PAAF1: variants seen among roughly 807,000 people sequenced by gnomAD.
The protein encoded by PAAF1 is proteasomal ATPase associated factor 1.
Under a neutral mutation model 52.8 loss-of-function variants are expected in PAAF1, and 46 were observed. That is an observed-to-expected ratio of 0.87 (90% CI 0.69 to 1.11). The LOEUF (loss-of-function observed/expected upper bound fraction) is 1.11. PAAF1 is among the 50% of genes most tolerant of loss of function. The pLI is 0.00. For missense variants in PAAF1, 424 were observed against 477.4 expected (o/e 0.89, Z 1.04); for synonymous variants, 178 against 172.8 (o/e 1.03, Z -0.24).
At chr11:73,921,611 A>G (rs1950221664) in intron 10 of PAAF1, 1 of 659,116 alleles carries the variant, frequency 1.5e-6, no homozygotes, top group Non-Finnish European at 2.9e-6. Flanking sequence ...TCTTGCTGGA[A>G]AATGCTGCCC....
intron 2 of PAAF1, among the ~76,000 whole-genome samples, chr11:73,882,721 GC>G (rs1948951539): frequency 6.6e-6 from 1 of 152,144 alleles, no homozygotes; most frequent in African/African-American, 2.4e-5. Context: ...TTCTGCCTCA[GC>G]CTCCGAAGTA....
At chr11:73,896,767 C>T (rs1476630989) in intron 4 of PAAF1, among the ~76,000 whole-genome samples, 5 of 152,220 alleles carry the variant, frequency 3.3e-5, no homozygotes, top group Admixed American at 6.5e-5. Flanking sequence ...TTCTATTCTA[C>T]AAAACCGCCA....
intron 10 of PAAF1, among the ~76,000 whole-genome samples, chr11:73,924,310 G>A (rs1287671800): frequency 6.6e-6 from 1 of 152,148 alleles, no homozygotes; most frequent in East Asian, 1.9e-4. Context: ...GCCAGGCGTG[G>A]TGGTGGGCAC....
chr11:73,925,156 CAAAAAA>C (rs34408861), intron 11 of PAAF1, among the ~76,000 whole-genome samples: 1 of 61,758 alleles, frequency 1.6e-5, no homozygotes. Context: ...GACTCCATCT[CAAAAAA>C]AAAAAAAAAA....
At position 73,898,968 on chromosome 11, in the gene PAAF1, C is replaced by A. The variant is rs570816978; in HGVS notation, c.283-178C>A. ...AGAAGTAAAAGGTGTTTACTTCAGC[C>A]TTGTTGGGAGGTTGGTGATGATAAC... On this transcript the variant is annotated intron_variant, in intron 4 of 11. Coordinates refer to ENST00000310571, the MANE Select transcript of PAAF1 (RefSeq NM_025155.3). Among the ~76,000 whole-genome samples the A allele has an allele frequency of 2.0e-5, 3 of 152,310 alleles. No homozygotes were observed. The East Asian group carries it at 5.8e-4, about 29-fold the overall frequency.
intron 4 of PAAF1, among the ~76,000 whole-genome samples, chr11:73,896,317 T>TA (rs1360570911): frequency 1.5e-5 from 2 of 131,932 alleles, no homozygotes; most frequent in Non-Finnish European, 3.2e-5. Flanking sequence ...TTTTTTTTTT[T>TA]ATTGATCATT....
At chr11:73,927,222 C>A in intron 11 of PAAF1, 63 bp from the exon 12 acceptor site, 2 of 1,249,958 alleles carry the variant, frequency 1.6e-6, no homozygotes, top group Non-Finnish European at 2.4e-6. Flanking sequence ...AATCATAAGC[C>A]TCCATCTTTT....
In PAAF1 at chr11:73,899,213, A is replaced by G. The variant is rs1949523582; in HGVS notation, c.350A>G (p.Lys117Arg). The G allele has an allele frequency of 3.1e-6, 5 of 1,614,044 alleles. No individual in the cohort carries two copies. The highest frequency in any genetic ancestry group is 4.2e-6 in the Non-Finnish European group (5 of 1,179,978). The change falls in exon 5 of 12, where the codon AAA becomes AGA. Residue 117 changes from lysine to arginine, a missense_variant. By Grantham distance (26) the Lys-to-Arg change is conservative (BLOSUM62 2). Coordinates refer to ENST00000310571, the MANE Select transcript of PAAF1 (RefSeq NM_025155.3). ...TCTTCTAGTACTGACGGGACCATGA[A>G]AATCTGGCAGGCTTCCAATGGAGAA... is the stretch of plus-strand genomic sequence containing the variant. ...GVSSSTDGTMKIWQASNGELR... is the reference protein window; with the variant it reads ...GVSSSTDGTMRIWQASNGELR...
At chr11:73,913,641 T>C (rs1160845629) in intron 7 of PAAF1, among the ~76,000 whole-genome samples, 1 of 151,894 alleles carries the variant, frequency 6.6e-6, no homozygotes, top group Non-Finnish European at 1.5e-5. Context: ...TTCATCACTA[T>C]TTCCTTAGCA....
chr11:73,924,607 C>T lies in PAAF1; in HGVS notation c.1019-8C>T. 1 of 1,611,788 alleles carries T rather than the reference C, an allele frequency of 6.2e-7. No homozygotes were observed. ...CTTAGTTATATGAATTTTCTTTCTG[C>T]CTTTCAGGTGATGGAAGCTGTTTTA... On this transcript the variant is annotated splice_region_variant and splice_polypyrimidine_tract_variant and intron_variant, in intron 10 of 11. Coordinates refer to ENST00000310571, the MANE Select transcript of PAAF1 (RefSeq NM_025155.3).
intron 4 of PAAF1, among the ~76,000 whole-genome samples, chr11:73,898,029 G>A (rs1044626881): frequency 1.3e-5 from 2 of 152,176 alleles, no homozygotes; most frequent in Non-Finnish European, 2.9e-5. Context: ...AAAAAAACAC[G>A]AAAACCAGTC....
intron 6 of PAAF1, among the ~76,000 whole-genome samples, chr11:73,904,818 T>C (rs186394962): frequency 2.5e-4 from 38 of 152,362 alleles, no homozygotes; most frequent in Admixed American, 2.2e-3. Context: ...ATTTCAGGAA[T>C]AGTTTCATCT....
intron 1 of PAAF1, among the ~76,000 whole-genome samples, chr11:73,878,330 A>C (rs1000568787): frequency 6.6e-6 from 1 of 152,152 alleles, no homozygotes; most frequent in African/African-American, 2.4e-5. Context: ...AAATGCATAG[A>C]CCCTTTCCAT....
chr11:73,909,264 G>A (rs895159424), intron 6 of PAAF1, 135 bp from the exon 7 acceptor site: 1 of 691,326 alleles, frequency 1.4e-6, no homozygotes, highest in Non-Finnish European at 2.4e-6. Flanking sequence ...TCTAGCACTT[G>A]AACATGGCCA....
chr11:73,908,401 G>GTATATATATATGTATATATATGTA (rs1255758859), intron 6 of PAAF1, among the ~76,000 whole-genome samples: 5 of 146,556 alleles, frequency 3.4e-5, no homozygotes, highest in South Asian at 4.2e-4. Context: ...ATATATATGT[G>GTATATATATATGTATATATATGTA]TATATATATG....
intron 7 of PAAF1, among the ~76,000 whole-genome samples, chr11:73,912,090 G>A (rs1214811135): frequency 6.7e-6 from 1 of 150,280 alleles, no homozygotes; most frequent in Non-Finnish European, 1.5e-5. Flanking sequence ...CTATTTCATT[G>A]ACTGCTACTT....
intron 6 of PAAF1, among the ~76,000 whole-genome samples, 167 bp from the exon 7 acceptor site, chr11:73,909,232 G>A (rs1949859661): frequency 6.6e-6 from 1 of 152,204 alleles, no homozygotes; most frequent in South Asian, 2.1e-4. Context: ...TCATTGGGAA[G>A]CTGGGACTCT....
Position 73,916,041 on chromosome 11 carries a change from G to C in PAAF1, c.820-504G>C, listed in dbSNP as rs192840454. On this transcript the variant is annotated intron_variant, in intron 8 of 11. Transcript: ENST00000310571. The stretch of plus-strand genomic sequence containing the variant: ...AAGACATGATCAGTTTGAGCTAACA[G>C]TAAGGAGAAAATAAAACTATAATAA... Among the ~76,000 whole-genome samples, 25 of 152,252 alleles carry C rather than the reference G, an allele frequency of 1.6e-4. No individual in the cohort carries two copies. In the East Asian group the frequency reaches 1.9e-3, roughly 12 times the overall value.
rs1950433342 is a variant in PAAF1, at chr11:73,929,998, G to C, written c.*2636G>C. On this transcript the variant is annotated 3_prime_UTR_variant, in exon 12 of 12. Coordinates refer to ENST00000310571, the MANE Select transcript of PAAF1 (RefSeq NM_025155.3). ...TTGATCCCGGGAGGCAGAGGTTGTG[G>C]TGGGCTGAGATTGCGCCATTGCGCT... is the stretch of plus-strand genomic sequence containing the variant. 1.3e-5 allele frequency: 2 copies of C among 152,280 alleles called. No individual in the cohort carries two copies. The highest frequency in any genetic ancestry group is 4.8e-5 in the African/African-American group (2 of 41,346). The allele number at this position is 152,280 out of a possible 1,614,324, so 9.4% of individuals were successfully genotyped here.
Sources: gnomAD v4.1 joint callset for allele counts (sites outside exome capture counted in the v4.1 genomes callset) on GRCh38, gnomAD v4.1.1 for gene constraint, MANE v1.5 for transcripts, NCBI Gene and HGNC (gene_info 2026-07-23, HGNC 2026-07-21) for gene names.